The following HERC1 variants were observed in gnomAD, a reference collection of about 807,000 sequenced individuals.
The protein encoded by HERC1 is probable E3 ubiquitin-protein ligase HERC1.
In HERC1, 160 loss-of-function variants were observed where a neutral mutation model predicts 554.3. The observed-to-expected ratio is 0.29, with a 90% CI of 0.25 to 0.33. The LOEUF (loss-of-function observed/expected upper bound fraction) is 0.33. HERC1 is among the 10% of genes least tolerant of loss of function. The probability of loss-of-function intolerance (pLI) is 1.00; values close to 1 mark genes in which losing one functional copy is unlikely to be tolerated. For missense variants in HERC1, 4,919 were observed against 5,918.5 expected (o/e 0.83, Z 5.54); for synonymous variants, 2,175 against 2,131.7 (o/e 1.02, Z -0.56).
At chr15:63,695,865 G>A (rs1018575268) in intron 27 of HERC1, among the ~76,000 whole-genome samples, 4 of 152,024 alleles carry the variant, frequency 2.6e-5, no homozygotes, top group African/African-American at 9.7e-5. Context: ...TCCTTACTTG[G>A]ATCTATTCCC....
At chr15:63,826,804 A>ATATAG (rs1555454867) in intron 1 of HERC1, among the ~76,000 whole-genome samples, 1 of 57,894 alleles carries the variant, frequency 1.7e-5, no homozygotes, top group Non-Finnish European at 3.6e-5. Context: ...AAAAAAAAAA[A>ATATAG]AAAAAAAAAA....
intron 18 of HERC1, among the ~76,000 whole-genome samples, chr15:63,723,780 T>A (rs1410584744): frequency 6.6e-6 from 1 of 152,196 alleles, no homozygotes; most frequent in Admixed American, 6.5e-5. Context: ...GACCTTTTTT[T>A]AATAGACTTA....
At position 63,642,995 on chromosome 15, in the gene HERC1, G is replaced by T; in HGVS notation, c.11395C>A (p.Pro3799Thr). ...SGAIQTTVWI[P>T]EVGVAACSNR... is the part of the protein sequence containing the mutation. Reference sequence around the variant, plus strand: ...GAGCAAGCAGCTACTCCAACTTCTGGAATCCATACTGTGGTCTGAATAGCT... The same window carrying T: ...GAGCAAGCAGCTACTCCAACTTCTGTAATCCATACTGTGGTCTGAATAGCT... The change falls in exon 59 of 78, where the codon CCA becomes ACA. Residue 3799 changes from proline (P) to threonine (T), a missense_variant. Physicochemically the swap from Pro to Thr is conservative, Grantham distance 38 (BLOSUM62 -1). Coordinates refer to ENST00000443617, the MANE Select transcript of HERC1 (RefSeq NM_003922.4). The T allele has an allele frequency of 6.2e-7, 1 of 1,612,652 alleles. No individual in the cohort carries two copies. Among genetic ancestry groups the T allele is most frequent in the Non-Finnish European group, 8.5e-7 (1 of 1,178,978 alleles).
intron 2 of HERC1, among the ~76,000 whole-genome samples, chr15:63,772,106 G>C (rs1328705200): frequency 6.7e-6 from 1 of 149,304 alleles, no homozygotes; most frequent in Non-Finnish European, 1.5e-5. Flanking sequence ...TGGGCAACAA[G>C]AGCAAAACTC....
Position 63,654,261 on chromosome 15 carries a change from T to C in HERC1, c.10148A>G (p.His3383Arg). 1 of 1,614,022 alleles carries C rather than the reference T, an allele frequency of 6.2e-7. No individual in the cohort carries two copies. The highest frequency in any genetic ancestry group is 8.5e-7 in the Non-Finnish European group (1 of 1,179,884). Residue 3383 changes from histidine to arginine, a missense_variant, in exon 51 of 78, where the codon CAT becomes CGT. Transcript: ENST00000443617. ...GAGTTGCTGAGCTGCCCATTGCCGA[T>C]GCTGTGAGGACAGCCTGGAGGAGAG... is the stretch of plus-strand genomic sequence containing the variant. ...CCLSSRLSSQ[H>R]RQWAAQQLVR...
In HERC1 at chr15:63,769,256, A is replaced by G. The variant is rs534143431; in HGVS notation, c.931-5065T>C. ...AACATGGCAAAACCCCGTCTCTACT[A>G]AAAAATACAAAAATCAGCCAGGTGT... On this transcript the variant is annotated intron_variant, in intron 2 of 77. Coordinates refer to ENST00000443617, the MANE Select transcript of HERC1 (RefSeq NM_003922.4). Among the ~76,000 whole-genome samples, 99 of 151,974 alleles carry G rather than the reference A, an allele frequency of 6.5e-4. 3 individuals carry two copies. The highest frequency in any genetic ancestry group is 3.4e-3 in the Middle Eastern group (1 of 294).
rs1253158744 is a variant in HERC1 at position 63,649,743 on chromosome 15, G to T, written c.10729C>A (p.His3577Asn). 16 of 1,613,514 alleles carry T rather than the reference G, an allele frequency of 9.9e-6. No homozygotes were observed. The highest frequency in any genetic ancestry group is 1.4e-5 in the Non-Finnish European group (16 of 1,179,650). Reference protein sequence around the residue: ...VSTMHRRELEHCYRKDVSVTC... With the variant: ...VSTMHRRELENCYRKDVSVTC... The stretch of plus-strand genomic sequence containing the variant: ...CATTTACCATCCTTTCGATAGCAAT[G>T]CTCCAATTCTCGACGGTGCATGGTG... Residue 3577 changes from histidine to asparagine, a missense_variant, in exon 54 of 78, where the codon CAT becomes AAT. Around this residue, in one of 11 missense-constraint regions of HERC1, gnomAD observed 1,963 missense variants for 2,228.6 expected, o/e 0.88. Coordinates refer to ENST00000443617, the MANE Select transcript of HERC1 (RefSeq NM_003922.4).
In HERC1 at chr15:63,645,678, G is replaced by A. The variant is rs1462804507; in HGVS notation, c.10883C>T (p.Thr3628Ile). The A allele has an allele frequency of 1.9e-6, 3 of 1,551,690 alleles. No individual in the cohort carries two copies. The highest frequency in any genetic ancestry group is 3.4e-4 in the Middle Eastern group (2 of 5,852). Residue 3628 changes from threonine (T) to isoleucine (I), a missense_variant, in exon 56 of 78, where the codon ACT becomes ATT. Thr to Ile is a moderately conservative substitution (Grantham distance 89). Transcript: ENST00000443617. ...GIVLIDAHKD[T>I]LISMKWDPTG... ...AGGGTCCCACTTCATGCTAATAAGA[G>A]TATCCTTAAAATGGAAGGAAGAGAA...
chr15:63,742,675 G>T (rs1367275218), intron 12 of HERC1, among the ~76,000 whole-genome samples: 1 of 152,068 alleles, frequency 6.6e-6, no homozygotes, highest in East Asian at 1.9e-4. Context: ...TTTTTATCAT[G>T]AAAGAATGTT....
chr15:63,615,232 C>T (rs1391525463), intron 76 of HERC1, among the ~76,000 whole-genome samples: 2 of 152,128 alleles, frequency 1.3e-5, no homozygotes, highest in African/African-American at 2.4e-5. Context: ...TCAATCCAAC[C>T]AAAGACCAAT....
intron 12 of HERC1, among the ~76,000 whole-genome samples, chr15:63,736,143 T>C (rs1296869405): frequency 6.6e-6 from 1 of 152,122 alleles, no homozygotes; most frequent in Non-Finnish European, 1.5e-5. Context: ...AGACCTGAAA[T>C]GGCTACACCC....
At position 63,630,594 on chromosome 15, in the gene HERC1, T is replaced by G. The variant is rs754317649; in HGVS notation, c.12838A>C (p.Asn4280His). 1 of 1,613,526 alleles carries G rather than the reference T, an allele frequency of 6.2e-7. No individual in the cohort carries two copies. Among genetic ancestry groups the G allele is most frequent in the Non-Finnish European group, 8.5e-7 (1 of 1,179,734 alleles). The change falls in exon 69 of 78, where the codon AAT (asparagine) becomes CAT (histidine). Residue 4280 changes from asparagine to histidine, a missense_variant. Asn to His is a moderately conservative substitution (Grantham distance 68, BLOSUM62 1). This residue lies in a region of HERC1 where 410 missense variants were observed against 467.0 expected (regional missense o/e 0.88). Coordinates refer to ENST00000443617, the MANE Select transcript of HERC1 (RefSeq NM_003922.4). ...AGGACAGGGATTTGTTGCGGTCGAT[T>G]GTGATTGCGAGCACGCCCCTCTGGC... is the stretch of plus-strand genomic sequence containing the variant. ...GLPEGRARNH[N>H]RPQQIPVLAG...
At chr15:63,621,118 G>A (rs1407844521) in intron 74 of HERC1, among the ~76,000 whole-genome samples, 3 of 151,742 alleles carry the variant, frequency 2.0e-5, no homozygotes, top group Non-Finnish European at 4.4e-5. Flanking sequence ...GCATGTTTTT[G>A]CAGTGGCTGG....
Position 63,725,395 on chromosome 15 carries a change from G to T in HERC1, c.3465C>A (p.Gly1155=). Residue 1155 remains glycine (G), a synonymous_variant, in exon 18 of 78, where the codon GGC becomes GGA. Transcript: ENST00000443617. ...GAGACACAGGGGAGCCCTGAAGCAT[G>T]CCACCAAGACACCGCCCAATAAGGA... ...IALLIGRCLG[G]MLQGSPVSPE... 6.2e-7 allele frequency: 1 copy of T among 1,613,914 alleles called. No individual in the cohort carries two copies. The highest frequency in any genetic ancestry group is 8.5e-7 in the Non-Finnish European group (1 of 1,179,846).
chr15:63,626,235 A>G, intron 70 of HERC1, 81 bp from the exon 71 acceptor site: 1 of 1,353,566 alleles, frequency 7.4e-7, no homozygotes, highest in Non-Finnish European at 1.0e-6. Flanking sequence ...TCAAGCATAC[A>G]GAGAAGTTGA....
rs780133641 is a variant in HERC1, at chr15:63,756,413, T to C, written c.1533+24A>G. ...CAACTCCAATGCATCTAATTATTTT[T>C]ATAACCAAAAAGAATGCACATACCT... On this transcript the variant is annotated intron_variant, in intron 5 of 77. Transcript: ENST00000443617. The surrounding 1 kb of genome is among the most constrained non-coding windows in gnomAD (Gnocchi z 5.0). The C allele has an allele frequency of 1.5e-5, 23 of 1,565,020 alleles. No homozygotes were observed. Among genetic ancestry groups the C allele is most frequent in the Non-Finnish European group, 2.0e-5 (23 of 1,152,750 alleles).
chr15:63,648,163 C>T lies in HERC1; in HGVS notation c.10784G>A (p.Arg3595Lys). The T allele has an allele frequency of 6.2e-7, 1 of 1,601,666 alleles. No homozygotes were observed. The highest frequency in any genetic ancestry group is 8.5e-7 in the Non-Finnish European group (1 of 1,173,138). ...ATCAAAATATCCCACTGCAAATGGT[C>T]TGTCTTCACTGAACCATGCAATGCA... ...VTCIAWFSED[R>K]PFAVGYFDGK... The change falls in exon 55 of 78, where the codon AGA becomes AAA. Residue 3595 changes from arginine (R) to lysine (K), a missense_variant. Arg to Lys is a conservative substitution (Grantham distance 26). Around this residue, in one of 11 missense-constraint regions of HERC1, gnomAD observed 1,963 missense variants for 2,228.6 expected, o/e 0.88. Coordinates refer to ENST00000443617, the MANE Select transcript of HERC1 (RefSeq NM_003922.4).
chr15:63,625,271 A>C (rs1220259903), intron 71 of HERC1, among the ~76,000 whole-genome samples: 1 of 152,232 alleles, frequency 6.6e-6, no homozygotes, highest in Non-Finnish European at 1.5e-5. Flanking sequence ...GAAGAGAAAA[A>C]AGTATCTGAA....
chr15:63,769,606 C>A (rs2075888102), intron 2 of HERC1, among the ~76,000 whole-genome samples: 1 of 152,048 alleles, frequency 6.6e-6, no homozygotes. Context: ...GTAATCTCAG[C>A]ACTTTCGGAG....
Sources: allele counts gnomAD v4.1 joint callset (sites outside exome capture counted in the v4.1 genomes callset), GRCh38; gene constraint gnomAD v4.1.1; regional missense constraint gnomAD v4.1.1; non-coding constraint Gnocchi (gnomAD v3.1); transcripts MANE v1.5; gene names NCBI Gene and HGNC (gene_info 2026-07-23, HGNC 2026-07-21).